Variants in SNTB1 observed in about 807,000 individuals in gnomAD.
SNTB1 encodes syntrophin beta 1, also known as beta-1-syntrophin.
In SNTB1, 36 loss-of-function variants were observed where a neutral mutation model predicts 48.9. The observed-to-expected ratio is 0.74, with a 90% confidence interval of 0.56 to 0.97. The LOEUF (loss-of-function observed/expected upper bound fraction) is 0.97. Among genes scored for constraint, SNTB1 ranks in the 50% least tolerant of loss-of-function variants. The pLI is 0.00. For missense variants in SNTB1, 786 were observed against 703.4 expected, an observed-to-expected ratio of 1.12 and a Z score of -1.33; for synonymous variants, 299 against 294.6, an observed-to-expected ratio of 1.01 and a Z score of -0.15.
At chr8:120,652,173 C>T (rs1817420467) in intron 2 of SNTB1, among the ~76,000 whole-genome samples, 2 of 152,190 alleles carry the variant, frequency 1.3e-5, no homozygotes, top group South Asian at 4.1e-4. Flanking sequence ...CATTTGTGAA[C>T]TATGCTTCTT....
At chr8:120,797,919 G>T (rs1820149278) in intron 1 of SNTB1, among the ~76,000 whole-genome samples, 1 of 151,950 alleles carries the variant, frequency 6.6e-6, no homozygotes, top group African/African-American at 2.4e-5. Context: ...CCTAGCTTTT[G>T]ATCGTCACTC....
chr8:120,696,608 G>A (rs1277250682), intron 1 of SNTB1, among the ~76,000 whole-genome samples: 1 of 152,100 alleles, frequency 6.6e-6, no homozygotes, highest in Non-Finnish European at 1.5e-5. Context: ...ATGTGTCCAC[G>A]AGTTATACAA....
intron 1 of SNTB1, among the ~76,000 whole-genome samples, chr8:120,770,822 A>AT (rs1297150188): frequency 6.6e-6 from 1 of 152,146 alleles, no homozygotes; most frequent in South Asian, 2.1e-4. Flanking sequence ...TCAAAAAAAA[A>AT]TTTTTAAAAA....
rs763446005 is a variant in SNTB1 at position 120,811,627 on chromosome 8, C to G, written c.217G>C (p.Gly73Arg). The G allele has an allele frequency of 6.3e-7, 1 of 1,591,484 alleles. No homozygotes were observed. The highest frequency in any genetic ancestry group is 1.4e-5 in the African/African-American group (1 of 72,494). Residue 73 changes from glycine (G) to arginine (R), a missense_variant, in exon 1 of 7, where the codon GGG becomes CGG. By Grantham distance (125) the Gly-to-Arg change is moderately radical. Transcript: ENST00000517992. ...CCGCCCGCGCCCGGGTGCCCAGCCCCGGCGCCCCTGCAGAACGAGCCATTG... is the reference window on the plus strand; with the variant it reads ...CCGCCCGCGCCCGGGTGCCCAGCCCGGGCGCCCCTGCAGAACGAGCCATTG... ...ATNGSFCRGAGAGHPGAGGAQ... is the reference protein window; with the variant it reads ...ATNGSFCRGARAGHPGAGGAQ...
rs779160034 is a variant in SNTB1 at position 120,594,172 on chromosome 8, T to TC, written c.997-18948dup. On this transcript the variant is annotated intron_variant, in intron 3 of 6. Coordinates refer to ENST00000517992, the MANE Select transcript of SNTB1 (RefSeq NM_021021.4). ...TTGACCTCCTGGGCTCAAGTGATCCTCCCCCCTCAGCCTCCTGAGTCGCTG... is the reference window on the plus strand; with the variant it reads ...TTGACCTCCTGGGCTCAAGTGATCCTCCCCCCCTCAGCCTCCTGAGTCGCTG... Among the ~76,000 whole-genome samples, 2 of 151,940 alleles carry TC rather than the reference T, an allele frequency of 1.3e-5. 1 individual carries two copies. Among genetic ancestry groups the TC allele is most frequent in the African/African-American group, 4.8e-5 (2 of 41,362 alleles).
intron 2 of SNTB1, among the ~76,000 whole-genome samples, chr8:120,686,523 A>T (rs1818037148): frequency 6.6e-6 from 1 of 151,344 alleles, no homozygotes; most frequent in Non-Finnish European, 1.5e-5. Flanking sequence ...CTCATGACCT[A>T]ACTGCCTCCC....
At chr8:120,771,398 T>G (rs574318578) in intron 1 of SNTB1, among the ~76,000 whole-genome samples, 2 of 152,214 alleles carry the variant, frequency 1.3e-5, no homozygotes, top group African/African-American at 2.4e-5. Flanking sequence ...AATTTCTGTT[T>G]CCATGTGAAA....
At chr8:120,589,938 T>C (rs1816212240) in intron 3 of SNTB1, among the ~76,000 whole-genome samples, 1 of 152,168 alleles carries the variant, frequency 6.6e-6, no homozygotes, top group Non-Finnish European at 1.5e-5. Context: ...TCCAAAATTA[T>C]TAGAAGTGAT....
At chr8:120,675,145 C>T (rs1366820159) in intron 2 of SNTB1, among the ~76,000 whole-genome samples, 1 of 152,082 alleles carries the variant, frequency 6.6e-6, no homozygotes, top group Non-Finnish European at 1.5e-5. Context: ...TCATCTGGGA[C>T]CTCTGGGTTA....
intron 3 of SNTB1, among the ~76,000 whole-genome samples, chr8:120,592,632 C>A (rs550880850): frequency 2.0e-5 from 3 of 152,244 alleles, no homozygotes; most frequent in Admixed American, 2.0e-4. Flanking sequence ...TTGTGACAAG[C>A]AGAAGTAGAC....
chr8:120,544,803 T>C (rs1815349872), intron 5 of SNTB1, among the ~76,000 whole-genome samples: 1 of 151,282 alleles, frequency 6.6e-6, no homozygotes, highest in Non-Finnish European at 1.5e-5. Flanking sequence ...TTTTTTTTTT[T>C]TTTTTTTTGC....
intron 1 of SNTB1, among the ~76,000 whole-genome samples, chr8:120,753,521 C>G (rs923643245): frequency 6.6e-6 from 1 of 152,142 alleles, no homozygotes; most frequent in Non-Finnish European, 1.5e-5. Flanking sequence ...TAGCTCCAAA[C>G]TGTCAAATAA....
At chr8:120,645,516 G>T (rs1253149446) in intron 2 of SNTB1, among the ~76,000 whole-genome samples, 2 of 151,374 alleles carry the variant, frequency 1.3e-5, no homozygotes, top group Admixed American at 6.6e-5. Flanking sequence ...CTGTTCCATT[G>T]ATCTATATCT....
intron 2 of SNTB1, among the ~76,000 whole-genome samples, chr8:120,636,233 TC>T (rs1817074157): frequency 6.6e-6 from 1 of 151,932 alleles, no homozygotes; most frequent in African/African-American, 2.4e-5. Context: ...TTCTTCTTCT[TC>T]TTTTTTTTTA....
At chr8:120,687,622 C>T (rs889436331) in intron 2 of SNTB1, among the ~76,000 whole-genome samples, 1 of 152,216 alleles carries the variant, frequency 6.6e-6, no homozygotes, top group Non-Finnish European at 1.5e-5. Flanking sequence ...ACTTTCATGA[C>T]AATTTAATTT....
intron 1 of SNTB1, among the ~76,000 whole-genome samples, chr8:120,735,092 T>C (rs1288553405): frequency 6.6e-6 from 1 of 152,182 alleles, no homozygotes; most frequent in Non-Finnish European, 1.5e-5. Context: ...AAAGTGTCAT[T>C]GCTCTGGTGC....
intron 2 of SNTB1, among the ~76,000 whole-genome samples, chr8:120,634,031 A>G (rs1817026789): frequency 6.6e-6 from 1 of 152,156 alleles, no homozygotes; most frequent in Non-Finnish European, 1.5e-5. Context: ...CTCCCCCGCA[A>G]CTACCCCTTT....
chr8:120,535,778 T>C lies in SNTB1; in HGVS notation c.*3099A>G, dbSNP rs1815193202. 6.6e-6 allele frequency: 1 copy of C among 152,150 alleles called. No homozygotes were observed. 9.4% of individuals were successfully genotyped at this position (152,150 alleles called of 1,614,324 possible). On this transcript the variant is annotated 3_prime_UTR_variant, in exon 7 of 7. Transcript: ENST00000517992. ...AAATCAGAGGTGAATATTTATTTAA[T>C]TCATATATAAATTTTACATAATATT...
At chr8:120,788,960 A>G (rs1036420749) in intron 1 of SNTB1, among the ~76,000 whole-genome samples, 1 of 152,038 alleles carries the variant, frequency 6.6e-6, no homozygotes, top group African/African-American at 2.4e-5. Flanking sequence ...TCAGCACACA[A>G]AACATTCTCC....
Sources: allele counts gnomAD v4.1 joint callset (sites outside exome capture counted in the v4.1 genomes callset), GRCh38; gene constraint gnomAD v4.1.1; transcripts MANE v1.5; gene names NCBI Gene and HGNC (gene_info 2026-07-23, HGNC 2026-07-21).